IL1RAPL1: variants seen among roughly 807,000 people sequenced by gnomAD.
The protein encoded by IL1RAPL1 is interleukin 1 receptor accessory protein like 1.
Under a neutral mutation model 48.4 loss-of-function variants are expected in IL1RAPL1, and 3 were observed. The ratio of observed to expected loss-of-function variants is 0.06; its 90% CI spans 0.03 to 0.16. The LOEUF (loss-of-function observed/expected upper bound fraction) is 0.16, where lower values mean the gene tolerates loss of function less well. IL1RAPL1 is among the 10% of genes least tolerant of loss of function. The probability of loss-of-function intolerance (pLI) is 1.00; values close to 1 mark genes in which losing one functional copy is unlikely to be tolerated. For synonymous variants in IL1RAPL1, 185 were observed against 187.7 expected (o/e 0.99, Z 0.12); for missense variants, 349 against 530.6 (o/e 0.66, Z 3.36).
At chrX:29,550,563 A>G (rs900941771) in intron 5 of IL1RAPL1, among the ~76,000 whole-genome samples, 1 of 112,116 alleles carries the variant, frequency 8.9e-6, no homozygotes, top group African/African-American at 3.2e-5. Context: ...CATATTCCCA[A>G]TTAAAAAAAT....
At chrX:29,387,853 C>A (rs984906037) in intron 3 of IL1RAPL1, among the ~76,000 whole-genome samples, 1 of 109,517 alleles carries the variant, frequency 9.1e-6, no homozygotes, top group East Asian at 2.9e-4. Context: ...ACCAGCCAGG[C>A]GTGGTGGCAG....
chrX:29,162,731 G>T (rs981421395), intron 2 of IL1RAPL1, among the ~76,000 whole-genome samples: 4 of 110,939 alleles, frequency 3.6e-5, no homozygotes, highest in African/African-American at 1.3e-4. Context: ...AAAGAAAAAT[G>T]AATACACTGT....
chrX:28,805,158 G>A (rs1326573889), intron 2 of IL1RAPL1, among the ~76,000 whole-genome samples: 5 of 110,649 alleles, frequency 4.5e-5, no homozygotes, highest in Non-Finnish European at 9.5e-5. Flanking sequence ...CATGAACTGA[G>A]CCAGTAACAG....
intron 9 of IL1RAPL1, among the ~76,000 whole-genome samples, chrX:29,942,861 T>TC (rs1317490134): frequency 9.1e-6 from 1 of 110,379 alleles, no homozygotes; most frequent in Non-Finnish European, 1.9e-5. Context: ...CCTCAGGTGA[T>TC]CCCCCCATCT....
intron 5 of IL1RAPL1, among the ~76,000 whole-genome samples, chrX:29,628,050 C>T (rs1924665761): frequency 8.9e-6 from 1 of 112,189 alleles, no homozygotes; most frequent in Admixed American, 9.5e-5. Flanking sequence ...TTACAGGGAA[C>T]AAAATGGTAC....
intron 2 of IL1RAPL1, among the ~76,000 whole-genome samples, chrX:29,043,176 A>G (rs1295718351): frequency 9.0e-6 from 1 of 111,687 alleles, no homozygotes; most frequent in Non-Finnish European, 1.9e-5. Context: ...CATTGTGATG[A>G]TGTGTGAAAT....
intron 3 of IL1RAPL1, among the ~76,000 whole-genome samples, chrX:29,338,378 T>C (rs1198004269): frequency 8.9e-6 from 1 of 112,338 alleles, no homozygotes; most frequent in Non-Finnish European, 1.9e-5. Flanking sequence ...TTTTCATTTC[T>C]AAGAAGGTTT....
intron 5 of IL1RAPL1, among the ~76,000 whole-genome samples, chrX:29,446,799 T>G (rs951365022): frequency 1.8e-5 from 2 of 111,523 alleles, no homozygotes; most frequent in African/African-American, 6.5e-5. Context: ...CAGTATAATT[T>G]AGAATGGCCT....
chrX:29,029,571 C>T (rs1010989218), intron 2 of IL1RAPL1, among the ~76,000 whole-genome samples: 2 of 111,865 alleles, frequency 1.8e-5, no homozygotes, highest in African/African-American at 6.5e-5. Flanking sequence ...GATGTTTCTG[C>T]AGAGAGATGA....
At chrX:28,954,574 A>G (rs1197659080) in intron 2 of IL1RAPL1, among the ~76,000 whole-genome samples, 1 of 110,606 alleles carries the variant, frequency 9.0e-6, no homozygotes, top group Non-Finnish European at 1.9e-5. Context: ...TTAGCACTTC[A>G]GAATAAGAGA....
intron 1 of IL1RAPL1, among the ~76,000 whole-genome samples, chrX:28,619,538 C>T (rs1934258594): frequency 1.0e-5 from 1 of 100,125 alleles, no homozygotes; most frequent in South Asian, 4.7e-4. Context: ...GCCCAGGAGG[C>T]AGAGATTGCA....
chrX:28,831,482 A>G (rs1921054569), intron 2 of IL1RAPL1, among the ~76,000 whole-genome samples: 1 of 109,333 alleles, frequency 9.1e-6, no homozygotes, highest in East Asian at 2.9e-4. Flanking sequence ...TACCAGAGAG[A>G]TAAAATAGTA....
intron 2 of IL1RAPL1, among the ~76,000 whole-genome samples, chrX:28,913,637 G>T: frequency 9.0e-6 from 1 of 111,491 alleles, no homozygotes; most frequent in Non-Finnish European, 1.9e-5. Flanking sequence ...GCTGCAATGA[G>T]CTATGATTGC....
At chrX:29,584,451 T>C (rs1374055871) in intron 5 of IL1RAPL1, among the ~76,000 whole-genome samples, 2 of 111,883 alleles carry the variant, frequency 1.8e-5, no homozygotes, top group African/African-American at 6.5e-5. Flanking sequence ...AATTAATTTA[T>C]CTCCTCCCAT....
chrX:29,308,585 C>A (rs1932659872), intron 3 of IL1RAPL1, among the ~76,000 whole-genome samples: 1 of 112,039 alleles, frequency 8.9e-6, no homozygotes, highest in African/African-American at 3.2e-5. Flanking sequence ...GAGAAGATAC[C>A]AAACCTTTAG....
intron 6 of IL1RAPL1, among the ~76,000 whole-genome samples, chrX:29,674,440 A>T (rs1157607365): frequency 1.8e-5 from 2 of 111,674 alleles, no homozygotes; most frequent in African/African-American, 3.3e-5. Flanking sequence ...AATAAAAAAA[A>T]GTTTTAAGTG....
intron 5 of IL1RAPL1, among the ~76,000 whole-genome samples, chrX:29,563,803 C>T (rs1489152056): frequency 2.7e-5 from 3 of 111,766 alleles, no homozygotes; most frequent in African/African-American, 6.5e-5. Context: ...TTGATGGATT[C>T]GAAGAAGTGA....
At chrX:29,429,320 G>T (rs186133164) in intron 5 of IL1RAPL1, among the ~76,000 whole-genome samples, 84 of 111,955 alleles carry the variant, frequency 7.5e-4, no homozygotes, top group African/African-American at 2.6e-3. Context: ...ATTAGGCCCC[G>T]AATTAACAGC....
chrX:28,990,676 C>T (rs895182962), intron 2 of IL1RAPL1, among the ~76,000 whole-genome samples: 1 of 111,481 alleles, frequency 9.0e-6, no homozygotes, highest in Admixed American at 9.6e-5. Context: ...TGAGATCTTT[C>T]TATATATAGA....
Sources: allele counts gnomAD v4.1 joint callset (sites outside exome capture counted in the v4.1 genomes callset), GRCh38; gene constraint gnomAD v4.1.1; transcripts MANE v1.5; gene names NCBI Gene and HGNC (gene_info 2026-07-23, HGNC 2026-07-21).